RNF17: variants seen among roughly 807,000 people sequenced by gnomAD.
RNF17 encodes the protein spermatogenesis associated 23.
In RNF17, 31 loss-of-function variants were observed where a neutral mutation model predicts 200.5. That is an observed-to-expected ratio of 0.15 (90% CI 0.12 to 0.21). RNF17 has a LOEUF of 0.21. Among genes scored for constraint, RNF17 ranks in the 10% least tolerant of loss-of-function variants. The pLI is 1.00. For missense variants in RNF17, 1,628 were observed against 1,905.1 expected, an observed-to-expected ratio of 0.85 and a Z score of 2.71; for synonymous variants, 606 against 637.8, an observed-to-expected ratio of 0.95 and a Z score of 0.75.
intron 15 of RNF17, among the ~76,000 whole-genome samples, chr13:24,805,569 A>G (rs911289876): frequency 1.3e-5 from 2 of 152,286 alleles, no homozygotes; most frequent in Admixed American, 6.5e-5. Flanking sequence ...CCATGTATGG[A>G]TATACTACAT....
intron 22 of RNF17, among the ~76,000 whole-genome samples, chr13:24,845,902 G>T (rs1238239107): frequency 6.6e-6 from 1 of 152,136 alleles, no homozygotes; most frequent in Non-Finnish European, 1.5e-5. Flanking sequence ...AAGACAGGCA[G>T]TGGAGCAAAG....
chr13:24,869,934 ATTTTTTTTTTTT>A (rs34196797), intron 31 of RNF17, among the ~76,000 whole-genome samples: 3 of 83,756 alleles, frequency 3.6e-5, no homozygotes, highest in Non-Finnish European at 6.5e-5. Flanking sequence ...TGCCCAGCTA[ATTTTTTTTTTTT>A]TTTTTTTTTT....
chr13:24,816,809 C>T lies in RNF17; in HGVS notation c.2092-8810C>T, dbSNP rs554173666. 3.3e-5 allele frequency among the ~76,000 whole-genome samples: 5 copies of T among 152,290 alleles called. No homozygotes were observed. The South Asian group carries it at 1.0e-3, about 32-fold the overall frequency. On this transcript the variant is annotated intron_variant, in intron 15 of 35. Coordinates refer to ENST00000255324, the MANE Select transcript of RNF17 (RefSeq NM_031277.3). ...GGCATCTGCTAGTATAAACAAGTTTCCTGTGAGACATACACTTGGCCACAG... is the reference window on the plus strand; with the variant it reads ...GGCATCTGCTAGTATAAACAAGTTTTCTGTGAGACATACACTTGGCCACAG...
intron 31 of RNF17, among the ~76,000 whole-genome samples, chr13:24,869,788 A>T (rs1894048889): frequency 7.0e-6 from 1 of 142,312 alleles, no homozygotes; most frequent in Non-Finnish European, 1.5e-5. Flanking sequence ...TTTTTGAGAT[A>T]GGGGTCACGT....
chr13:24,827,724 A>AC (rs1888883818), intron 16 of RNF17, among the ~76,000 whole-genome samples: 1 of 148,902 alleles, frequency 6.7e-6, no homozygotes, highest in African/African-American at 2.5e-5. Flanking sequence ...AAAACAAAAA[A>AC]AAAAAAACAA....
chr13:24,820,363 C>A (rs1489619253), intron 15 of RNF17, among the ~76,000 whole-genome samples: 1 of 152,164 alleles, frequency 6.6e-6, no homozygotes, highest in African/African-American at 2.4e-5. Flanking sequence ...CTCAGATGAT[C>A]TGCCTGCCTT....
upstream of RNF17, among the ~76,000 whole-genome samples, chr13:24,763,494 G>A (rs1399931791): frequency 6.6e-6 from 1 of 151,332 alleles, no homozygotes; most frequent in Non-Finnish European, 1.5e-5. Context: ...TGGCATTACA[G>A]GCGTGAGCCA....
At chr13:24,825,835 T>C in intron 16 of RNF17, 63 bp downstream of exon 16, 1 of 1,516,314 alleles carries the variant, frequency 6.6e-7, no homozygotes, top group South Asian at 1.3e-5. Context: ...ATCATTTGAG[T>C]TGGTACCAAT....
In RNF17 at chr13:24,866,114, G is replaced by C. The variant is rs751214677; in HGVS notation, c.4102-30G>C. On this transcript the variant is annotated intron_variant, in intron 29 of 35. Coordinates refer to ENST00000255324, the MANE Select transcript of RNF17 (RefSeq NM_031277.3). The stretch of plus-strand genomic sequence containing the variant: ...GTACCTTAAAACAATATAGCTAAAG[G>C]TGATTTTACTCAATACCATATTATT... 1.8e-5 allele frequency: 22 copies of C among 1,213,378 alleles called. 1 individual carries two copies. The highest frequency in any genetic ancestry group is 2.7e-5 in the Non-Finnish European group (22 of 828,570). The allele number at this position is 1,213,378 out of a possible 1,614,324, so 75.2% of individuals were successfully genotyped here. A position where few individuals can be genotyped will look rare whatever the true frequency, so the allele number is the denominator to read the frequency against.
intron 34 of RNF17, 73 bp from the exon 35 acceptor site, chr13:24,879,114 A>C: frequency 8.5e-4 from 808 of 947,956 alleles, no homozygotes; most frequent in Non-Finnish European, 1.1e-3. Context: ...ACCCGTGTGA[A>C]TGGCCAGATA....
At chr13:24,781,207 A>G (rs989022847) in intron 5 of RNF17, among the ~76,000 whole-genome samples, 1 of 151,682 alleles carries the variant, frequency 6.6e-6, no homozygotes, top group African/African-American at 2.4e-5. Flanking sequence ...TTTTTTTTTA[A>G]TCCACGGGGT....
chr13:24,809,193 T>C (rs1338094358), intron 15 of RNF17, among the ~76,000 whole-genome samples: 5 of 149,614 alleles, frequency 3.3e-5, no homozygotes, highest in Non-Finnish European at 7.5e-5. Context: ...TCTTTTTCTA[T>C]TGATTGGAAT....
At chr13:24,882,891 T>C, downstream of RNF17, 2 of 401,182 alleles carry the variant, frequency 5.0e-6, no homozygotes, top group Non-Finnish European at 9.2e-6. Context: ...TTTATAGCCA[T>C]TTCTAACCAA....
At chr13:24,780,612 T>C (rs1324642094) in intron 5 of RNF17, among the ~76,000 whole-genome samples, 1 of 152,188 alleles carries the variant, frequency 6.6e-6, no homozygotes, top group East Asian at 1.9e-4. Context: ...GCAGGCTCAC[T>C]TGGTCATGCC....
chr13:24,872,042 C>T (rs757173644), intron 32 of RNF17, among the ~76,000 whole-genome samples: 1 of 137,488 alleles, frequency 7.3e-6, no homozygotes, highest in Non-Finnish European at 1.5e-5. Context: ...AATCTTGGCT[C>T]ACTGCAACCT....
intron 28 of RNF17, among the ~76,000 whole-genome samples, chr13:24,864,248 A>C (rs1362676386): frequency 6.6e-6 from 1 of 152,140 alleles, no homozygotes; most frequent in Non-Finnish European, 1.5e-5. Flanking sequence ...TTGGCAGAAG[A>C]GGGAATGGTA....
intron 15 of RNF17, among the ~76,000 whole-genome samples, chr13:24,821,443 G>A (rs1166423762): frequency 6.6e-6 from 1 of 151,984 alleles, no homozygotes; most frequent in East Asian, 1.9e-4. Flanking sequence ...ATAATTTTTT[G>A]CCTCTTTGTC....
the RNF17 span, among the ~76,000 whole-genome samples, chr13:24,887,520 C>T: frequency 3.9e-5 from 6 of 152,200 alleles, no homozygotes; most frequent in African/African-American, 7.2e-5. Context: ...CCAGGTTGCA[C>T]GCTCCTTAGA....
At chr13:24,804,905 A>C (rs1180770006) in intron 15 of RNF17, among the ~76,000 whole-genome samples, 4 of 152,192 alleles carry the variant, frequency 2.6e-5, no homozygotes, top group African/African-American at 9.7e-5. Flanking sequence ...TATATGATTT[A>C]ACTCATCATA....
Sources: gnomAD v4.1 joint callset for allele counts (sites outside exome capture counted in the v4.1 genomes callset) on GRCh38, gnomAD v4.1.1 for gene constraint, MANE v1.5 for transcripts, NCBI Gene and HGNC (gene_info 2026-07-23, HGNC 2026-07-21) for gene names.